The following UBR3 variants were observed in gnomAD, a reference collection of about 807,000 sequenced individuals.
The protein encoded by UBR3 is ubiquitin protein ligase E3 component n-recognin 3.
A neutral mutation model predicts 243.2 loss-of-function variants in UBR3; 85 were observed. The ratio of observed to expected loss-of-function variants is 0.35; its 90% CI spans 0.29 to 0.42. UBR3 has a LOEUF of 0.42. UBR3 is among the 10% of genes least tolerant of loss of function. The pLI, the probability that UBR3 is intolerant of heterozygous loss-of-function variation, is 1.00. For missense variants in UBR3, 1,686 were observed against 2,300.8 expected, an observed-to-expected ratio of 0.73 and a Z score of 5.47; for synonymous variants, 748 against 799.8, an observed-to-expected ratio of 0.94 and a Z score of 1.09.
At chr2:170,020,015 A>C (rs2090348209) in intron 30 of UBR3, among the ~76,000 whole-genome samples, 1 of 152,130 alleles carries the variant, frequency 6.6e-6, no homozygotes, top group Non-Finnish European at 1.5e-5. Context: ...TTTTGGCATC[A>C]AGCAATCCTC....
At chr2:170,042,279 G>A (rs943022529) in intron 32 of UBR3, among the ~76,000 whole-genome samples, 1 of 151,882 alleles carries the variant, frequency 6.6e-6, no homozygotes, top group African/African-American at 2.4e-5. Context: ...GTTTATCCAT[G>A]TTATGGCATG....
At chr2:170,062,723 C>T (rs1338679714) in intron 35 of UBR3, among the ~76,000 whole-genome samples, 1 of 152,124 alleles carries the variant, frequency 6.6e-6, no homozygotes, top group Non-Finnish European at 1.5e-5. Flanking sequence ...GTTCTTGTTA[C>T]CTTATGGCTT....
At chr2:169,943,385 G>A (rs1312157200) in intron 20 of UBR3, among the ~76,000 whole-genome samples, 2 of 152,044 alleles carry the variant, frequency 1.3e-5, no homozygotes, top group African/African-American at 2.4e-5. Flanking sequence ...GGCAGATCAC[G>A]AGGTCAGGAG....
At chr2:169,844,265 C>T (rs1057013844) in intron 1 of UBR3, among the ~76,000 whole-genome samples, 5 of 152,290 alleles carry the variant, frequency 3.3e-5, no homozygotes, top group African/African-American at 1.2e-4. Flanking sequence ...TCCCAGAGTG[C>T]TGGGATTACA....
chr2:169,953,903 T>C (rs192789868), intron 23 of UBR3, among the ~76,000 whole-genome samples: 19 of 152,352 alleles, frequency 1.2e-4, no homozygotes, highest in Admixed American at 1.1e-3. Flanking sequence ...TTGTTGCTCA[T>C]AGCATTTTTG....
intron 24 of UBR3, among the ~76,000 whole-genome samples, chr2:169,984,083 T>C (rs1574338623): frequency 6.6e-6 from 1 of 152,336 alleles, no homozygotes. Context: ...TTGTAAATCA[T>C]TGTAATTTTT....
In UBR3 at chr2:169,927,366, G is replaced by A. The variant is rs1281851988; in HGVS notation, c.2385G>A (p.Leu795=). The change falls in exon 17 of 39, where the codon CTG becomes CTA. Residue 795 remains leucine (L), a synonymous_variant. Coordinates refer to ENST00000272793, the MANE Select transcript of UBR3 (RefSeq NM_172070.4). ...TCAGGGCCGAGATGGTAGCCCAGCTGTGTATGAATGACAGGACACACAGTT... is the reference window on the plus strand; with the variant it reads ...TCAGGGCCGAGATGGTAGCCCAGCTATGTATGAATGACAGGACACACAGTT... ...EILRAEMVAQ[L]CMNDRTHSSL... is the part of the protein sequence containing the mutation. 43 of 1,550,922 alleles carry A rather than the reference G, an allele frequency of 2.8e-5. No homozygotes were observed. The highest frequency in any genetic ancestry group is 3.6e-5 in the Non-Finnish European group (41 of 1,146,718).
In UBR3 at chr2:169,955,793, C is replaced by CAAAAAAAAAAAAAAAAAAAAAAAA. The variant is rs56238118; in HGVS notation, c.3546-2627_3546-2626insAAAAAAAAAAAAAAAAAAAAAAAA. 1.1e-4 allele frequency among the ~76,000 whole-genome samples: 9 copies of CAAAAAAAAAAAAAAAAAAAAAAAA among 78,544 alleles called. 1 individual carries two copies. The highest frequency in any genetic ancestry group is 3.8e-4 in the African/African-American group (8 of 20,798). The allele number at this position is 78,544 out of a possible 152,430, so 51.5% of individuals were successfully genotyped here. On this transcript the variant is annotated intron_variant, in intron 23 of 38. Coordinates refer to ENST00000272793, the MANE Select transcript of UBR3 (RefSeq NM_172070.4). ...TGGGCCATAGAGTGAGACTCCATCT[C>CAAAAAAAAAAAAAAAAAAAAAAAA]AAAAAAAAAAAAAAAAAAGATGTTG...
chr2:170,044,745 G>A (rs959067617), intron 32 of UBR3, among the ~76,000 whole-genome samples: 2 of 152,130 alleles, frequency 1.3e-5, no homozygotes, highest in African/African-American at 2.4e-5. Flanking sequence ...CTACTTCACA[G>A]CACCAGATTC....
intron 1 of UBR3, among the ~76,000 whole-genome samples, chr2:169,846,290 A>G (rs1435455467): frequency 7.2e-5 from 11 of 152,170 alleles, no homozygotes; most frequent in Non-Finnish European, 1.5e-4. Flanking sequence ...TAACTTCTTT[A>G]TCATTATATA....
At chr2:169,828,488 T>C (rs2081819995) in intron 1 of UBR3, among the ~76,000 whole-genome samples, 1 of 151,960 alleles carries the variant, frequency 6.6e-6, no homozygotes, top group South Asian at 2.1e-4. Context: ...GGGGACCGTA[T>C]TGGCTCGCGG....
chr2:169,987,628 G>A (rs1256609222), intron 25 of UBR3, among the ~76,000 whole-genome samples: 6 of 151,620 alleles, frequency 4.0e-5, no homozygotes, highest in Non-Finnish European at 5.9e-5. Flanking sequence ...TGTCTGAATG[G>A]TGTCCATTGT....
In UBR3 at chr2:169,875,948, T is replaced by C. The variant is rs1261133534; in HGVS notation, c.843T>C (p.Ser281=). The C allele has an allele frequency of 6.6e-7, 1 of 1,511,956 alleles. No homozygotes were observed. The highest frequency in any genetic ancestry group is 8.8e-7 in the Non-Finnish European group (1 of 1,132,920). The allele number at this position is 1,511,956 out of a possible 1,614,324, so 93.7% of individuals were successfully genotyped here. ...TNQQNYKDLT[S]GLGENACVKK... is the part of the protein sequence containing the mutation. ...AACAAAACTACAAAGATCTGACTTC[T>C]GGTGAGTAAAATGTTAGAAGAAATT... The change falls in exon 3 of 39, where the codon TCT becomes TCC. Residue 281 remains serine (S), a splice_region_variant and synonymous_variant. Transcript: ENST00000272793.
chr2:169,921,057 A>G (rs180831057), intron 11 of UBR3, among the ~76,000 whole-genome samples: 3 of 152,358 alleles, frequency 2.0e-5, no homozygotes. Flanking sequence ...TACTTAAAAA[A>G]TAAGTAAACA....
rs2084533654 is a variant in UBR3, at chr2:169,895,173, A to G, written c.1106-8A>G. The G allele has an allele frequency of 1.3e-6, 2 of 1,496,802 alleles. No homozygotes were observed. The highest frequency in any genetic ancestry group is 1.4e-5 in the African/African-American group (1 of 69,826). The allele number at this position is 1,496,802 out of a possible 1,614,324, so 92.7% of individuals were successfully genotyped here. The stretch of plus-strand genomic sequence containing the variant: ...CATTAACTGATAAATTTCATTTTTC[A>G]TGTGCAGATCAATCCATAATGGATG... On this transcript the variant is annotated splice_polypyrimidine_tract_variant and splice_region_variant and intron_variant, in intron 6 of 38. Transcript: ENST00000272793.
At chr2:169,945,342 T>G (rs1284024935) in intron 20 of UBR3, among the ~76,000 whole-genome samples, 1 of 152,168 alleles carries the variant, frequency 6.6e-6, no homozygotes, top group Admixed American at 6.5e-5. Context: ...ACACAACAGA[T>G]GAATATAGAA....
intron 36 of UBR3, among the ~76,000 whole-genome samples, chr2:170,076,560 C>T (rs1473050809): frequency 6.6e-6 from 1 of 152,164 alleles, no homozygotes; most frequent in Non-Finnish European, 1.5e-5. Context: ...TTAATTAGTA[C>T]CTGCTCACCC....
chr2:170,048,219 C>T (rs980219481), intron 32 of UBR3, among the ~76,000 whole-genome samples: 7 of 152,032 alleles, frequency 4.6e-5, no homozygotes, highest in African/African-American at 1.7e-4. Context: ...TGCAACTGAA[C>T]TCCCCTGTCC....
chr2:169,905,643 G>A (rs1306876341), intron 9 of UBR3, among the ~76,000 whole-genome samples: 1 of 152,142 alleles, frequency 6.6e-6, no homozygotes, highest in East Asian at 1.9e-4. Flanking sequence ...CCAAAGTGCT[G>A]GGATTACAGG....
Sources: allele counts gnomAD v4.1 joint callset (sites outside exome capture counted in the v4.1 genomes callset), GRCh38; gene constraint gnomAD v4.1.1; transcripts MANE v1.5; gene names NCBI Gene and HGNC (gene_info 2026-07-23, HGNC 2026-07-21).